The following EIF2A variants were observed in gnomAD, a reference collection of about 807,000 sequenced individuals.
The protein encoded by EIF2A is 65 kDa eukaryotic translation initiation factor 2A.
A neutral mutation model predicts 75.2 loss-of-function variants in EIF2A; 62 were observed. The observed-to-expected ratio is 0.82, with a 90% confidence interval of 0.67 to 1.02. EIF2A has a LOEUF of 1.02. EIF2A is among the 50% of genes least tolerant of loss of function. The probability of loss-of-function intolerance (pLI) is 0.00; values close to 1 mark genes in which losing one functional copy is unlikely to be tolerated. For synonymous variants in EIF2A, 207 were observed against 239.0 expected (o/e 0.87, Z 1.23); for missense variants, 611 against 677.7 (o/e 0.90, Z 1.09).
intron 3 of EIF2A, among the ~76,000 whole-genome samples, chr3:150,561,042 C>A (rs1723826322): frequency 6.6e-6 from 1 of 152,096 alleles, no homozygotes; most frequent in African/African-American, 2.4e-5. Flanking sequence ...AGAATCATAT[C>A]TTTTAGAGAT....
At chr3:150,556,666 G>A (rs1206877757) in intron 2 of EIF2A, among the ~76,000 whole-genome samples, 1 of 152,156 alleles carries the variant, frequency 6.6e-6, no homozygotes, top group Non-Finnish European at 1.5e-5. Context: ...GATGATGAGT[G>A]CATAGGTGGA....
rs11341363 is a variant in EIF2A at position 150,549,222 on chromosome 3, C to CTT, written c.28+2406_28+2407dup. On this transcript the variant is annotated intron_variant, in intron 1 of 13. Coordinates refer to ENST00000460851, the MANE Select transcript of EIF2A (RefSeq NM_032025.5). ...TCTGTTTTTCTTTCTTTCTTTCTTT[C>CTT]TTTTTTTTTTTTTTTGAGATAGTTT... Among the ~76,000 whole-genome samples, 604 of 136,520 alleles carry CTT rather than the reference C, an allele frequency of 4.4e-3. 4 individuals carry two copies. Among genetic ancestry groups the CTT allele is most frequent in the African/African-American group, 0.015 (540 of 36,948 alleles). 89.6% of individuals were successfully genotyped at this position (136,520 alleles called of 152,430 possible).
chr3:150,571,961 A>G lies in EIF2A; in HGVS notation c.815A>G (p.Lys272Arg). 1 of 1,593,666 alleles carries G rather than the reference A, an allele frequency of 6.3e-7. No homozygotes were observed. Among genetic ancestry groups the G allele is most frequent in the Non-Finnish European group, 8.5e-7 (1 of 1,172,326 alleles). Residue 272 changes from lysine to arginine, a missense_variant, in exon 10 of 14, where the codon AAA becomes AGA. Lys to Arg is a conservative substitution (Grantham distance 26). Transcript: ENST00000460851. The part of the protein sequence containing the change: ...NGESAVVQLP[K>R]NGPIYDVVWN... Reference sequence around the variant, plus strand: ...GGGCTTTATATTCTTTTTCTAGCAAAAAATGGCCCCATTTATGATGTAGTT... The same window carrying G: ...GGGCTTTATATTCTTTTTCTAGCAAGAAATGGCCCCATTTATGATGTAGTT...
rs1340507834 is a variant in EIF2A at position 150,572,460 on chromosome 3, G to A, written c.1314G>A (p.Glu438=). Residue 438 remains glutamate (E), a synonymous_variant, in exon 10 of 14, where the codon GAG becomes GAA. Coordinates refer to ENST00000460851, the MANE Select transcript of EIF2A (RefSeq NM_032025.5). ...CAGTTCCAAGTGAAGTACCCAATGA[G>A]GAACCTAAAGTTGCAACAGCTTATA... The part of the protein sequence containing the change: ...YQAVPSEVPN[E]EPKVATAYRP... 5.0e-6 allele frequency: 8 copies of A among 1,613,862 alleles called. No individual in the cohort carries two copies. In the Admixed American group the frequency reaches 1.3e-4, roughly 27 times the overall value.
At position 150,546,835 on chromosome 3, in the gene EIF2A, G is replaced by A; in HGVS notation, c.28+5G>A. ...CGTCCACGCCGCTCTTGACAGGTGA[G>A]TTCTGAAGAAGCGAGGGACTCTCTT... On this transcript the variant is annotated splice_donor_5th_base_variant and intron_variant, in intron 1 of 13. Coordinates refer to ENST00000460851, the MANE Select transcript of EIF2A (RefSeq NM_032025.5). 6.2e-7 allele frequency: 1 copy of A among 1,612,144 alleles called. No homozygotes were observed. Among genetic ancestry groups the A allele is most frequent in the Non-Finnish European group, 8.5e-7 (1 of 1,179,780 alleles).
chr3:150,558,311 G>T, intron 2 of EIF2A, 77 bp from the exon 3 acceptor site: 1 of 1,258,026 alleles, frequency 7.9e-7, no homozygotes, highest in Admixed American at 3.8e-5. Context: ...ATAGTGAAAT[G>T]GTTGACTTTA....
intron 5 of EIF2A, 57 bp downstream of exon 5, chr3:150,563,671 G>A (rs1724004940): frequency 5.0e-6 from 6 of 1,211,010 alleles, no homozygotes; most frequent in South Asian, 1.6e-5. Context: ...TGTCATCACT[G>A]TATAATATTT....
chr3:150,563,051 G>C (rs1164002695), intron 4 of EIF2A: 1 of 180,776 alleles, frequency 5.5e-6, no homozygotes, highest in Non-Finnish European at 1.2e-5. Context: ...GGATGTGTAT[G>C]GTAGAGTCGA....
intron 3 of EIF2A, among the ~76,000 whole-genome samples, chr3:150,559,390 G>A (rs1294424760): frequency 6.6e-6 from 1 of 151,452 alleles, no homozygotes; most frequent in African/African-American, 2.4e-5. Context: ...TAGAGACAGG[G>A]TCTTGTTATG....
At chr3:150,569,917 G>T (rs1032035417) in intron 9 of EIF2A, among the ~76,000 whole-genome samples, 9 of 152,226 alleles carry the variant, frequency 5.9e-5, no homozygotes, top group African/African-American at 2.2e-4. Flanking sequence ...GAGTCCAGAA[G>T]TAGATCCATA....
In EIF2A at chr3:150,567,739, A is replaced by G. The variant is rs1470687439; in HGVS notation, c.522A>G (p.Val174=). 6.4e-7 allele frequency: 1 copy of G among 1,559,842 alleles called. No homozygotes were observed. Among genetic ancestry groups the G allele is most frequent in the Non-Finnish European group, 8.7e-7 (1 of 1,150,708 alleles). The part of the protein sequence containing the change: ...KLHLQKINDF[V]LSPGPQPYKV... ...ATTTGCAAAAAATTAATGATTTTGT[A>G]TTATCACCTGGACCCCAACCATACA... Residue 174 remains valine (V), a synonymous_variant, in exon 7 of 14, where the codon GTA becomes GTG. Coordinates refer to ENST00000460851, the MANE Select transcript of EIF2A (RefSeq NM_032025.5).
rs1672985702 is a variant in EIF2A at position 150,585,827 on chromosome 3, A to C, written c.*1916A>C. Among the ~76,000 whole-genome samples the C allele has an allele frequency of 6.6e-6, 1 of 152,020 alleles. No homozygotes were observed. The highest frequency in any genetic ancestry group is 1.5e-5 in the Non-Finnish European group (1 of 67,996). ...AAGAGGTTGGGGACTTCGTGATGGG[A>C]TTATTGTCCTTACAAGAAAAGACAC... On this transcript the variant is annotated 3_prime_UTR_variant, in exon 14 of 14. Coordinates refer to ENST00000460851, the MANE Select transcript of EIF2A (RefSeq NM_032025.5).
intron 11 of EIF2A, among the ~76,000 whole-genome samples, chr3:150,579,716 A>AAG (rs1314681105): frequency 2.0e-5 from 3 of 151,856 alleles, no homozygotes; most frequent in Non-Finnish European, 4.4e-5. Context: ...AAAAAAAAAA[A>AAG]AGAGAAAAAT....
intron 12 of EIF2A, 140 bp downstream of exon 12, chr3:150,581,886 C>A: frequency 2.1e-6 from 2 of 973,252 alleles, no homozygotes; most frequent in Non-Finnish European, 3.0e-6. Context: ...CACTATGAAG[C>A]ACTGTTCACT....
At position 150,585,562 on chromosome 3, in the gene EIF2A, GTCTC is replaced by G. The variant is rs796710208; in HGVS notation, c.*1659_*1662del. 2.0e-5 allele frequency: 3 copies of G among 152,152 alleles called. No homozygotes were observed. Among genetic ancestry groups the G allele is most frequent in the African/African-American group, 4.8e-5 (2 of 41,496 alleles). The allele number at this position is 152,152 out of a possible 1,614,324, so 9.4% of individuals were successfully genotyped here. A position where few individuals can be genotyped will look rare whatever the true frequency, so the allele number is the denominator to read the frequency against. On this transcript the variant is annotated 3_prime_UTR_variant, in exon 14 of 14. Coordinates refer to ENST00000460851, the MANE Select transcript of EIF2A (RefSeq NM_032025.5). ...ATATTTTGGAGCTCCTTCTATATGA[GTCTC>G]TCTCTCTTATCTCTCTCAGGATGTG...
Position 150,564,310 on chromosome 3 carries a change from G to T in EIF2A, c.404G>T (p.Trp135Leu). The T allele has an allele frequency of 1.3e-6, 2 of 1,583,832 alleles. No homozygotes were observed. Among genetic ancestry groups the T allele is most frequent in the Non-Finnish European group, 8.6e-7 (1 of 1,168,156 alleles). ...QKKMQNWCPS[W>L]SEDETLCARN... ...TTTCATTGACATAGGTGTCCATCCT[G>T]GTCAGAAGATGAAACTCTTTGTGCC... The change falls in exon 6 of 14, where the codon TGG becomes TTG. Residue 135 changes from tryptophan (W) to leucine (L), a missense_variant. Trp to Leu is a moderately conservative substitution (Grantham distance 61). Coordinates refer to ENST00000460851, the MANE Select transcript of EIF2A (RefSeq NM_032025.5).
chr3:150,555,748 A>G (rs1438938676), intron 2 of EIF2A, among the ~76,000 whole-genome samples: 1 of 152,102 alleles, frequency 6.6e-6, no homozygotes, highest in African/African-American at 2.4e-5. Flanking sequence ...AAACAAAAAA[A>G]AAACTATGGC....
intron 9 of EIF2A, among the ~76,000 whole-genome samples, chr3:150,571,477 C>T (rs1355688644): frequency 1.3e-5 from 2 of 152,106 alleles, no homozygotes; most frequent in East Asian, 3.9e-4. Context: ...CCCAGTGGCT[C>T]ATGCCTATAA....
At chr3:150,554,660 C>T (rs2107907200) in intron 2 of EIF2A, among the ~76,000 whole-genome samples, 1 of 152,330 alleles carries the variant, frequency 6.6e-6, no homozygotes, top group South Asian at 2.1e-4. Context: ...AACCACTGAT[C>T]TAGGCAGATG....
Sources: gnomAD v4.1 joint callset for allele counts (sites outside exome capture counted in the v4.1 genomes callset) on GRCh38, gnomAD v4.1.1 for gene constraint, MANE v1.5 for transcripts, NCBI Gene and HGNC (gene_info 2026-07-23, HGNC 2026-07-21) for gene names.